LAMA4: variants seen among roughly 807,000 people sequenced by gnomAD.
LAMA4 encodes laminin subunit alpha 4.
A neutral mutation model predicts 207.1 loss-of-function variants in LAMA4; 127 were observed. The ratio of observed to expected loss-of-function variants is 0.61; its 90% confidence interval spans 0.53 to 0.71. The LOEUF (loss-of-function observed/expected upper bound fraction) is 0.71. LAMA4 is among the 30% of genes least tolerant of loss of function. The pLI is 0.00. For synonymous variants in LAMA4, 761 were observed against 816.0 expected, an observed-to-expected ratio of 0.93 and a Z score of 1.15; for missense variants, 2,093 against 2,246.5, an observed-to-expected ratio of 0.93 and a Z score of 1.38.
chr6:112,168,019 AAACCCC>A, intron 12 of LAMA4, among the ~76,000 whole-genome samples: 1 of 152,036 alleles, frequency 6.6e-6, no homozygotes, highest in Non-Finnish European at 1.5e-5. Context: ...CATCCTGGTG[AAACCCC>A]ATCTCTACTA....
At chr6:112,184,707 G>A (rs890759750) in intron 9 of LAMA4, among the ~76,000 whole-genome samples, 3 of 152,034 alleles carry the variant, frequency 2.0e-5, no homozygotes, top group African/African-American at 2.4e-5. Flanking sequence ...TTGTGGATTT[G>A]AGATTTATAC....
chr6:112,130,829 G>A (rs1778992657), intron 29 of LAMA4, 139 bp downstream of exon 29: 2 of 811,696 alleles, frequency 2.5e-6, no homozygotes, highest in East Asian at 5.1e-5. Flanking sequence ...TTTTTTTGAG[G>A]AAGATAAGTT....
intron 2 of LAMA4, 83 bp from the exon 3 acceptor site, chr6:112,216,552 G>A (rs1554358805): frequency 1.1e-6 from 1 of 887,776 alleles, no homozygotes; most frequent in Non-Finnish European, 1.9e-6. Flanking sequence ...CAGAGAAAGT[G>A]ATTATTAAAC....
intron 9 of LAMA4, chr6:112,179,914 C>G (rs1554344894): frequency 1.9e-6 from 1 of 533,048 alleles, no homozygotes; most frequent in African/African-American, 1.9e-5. Context: ...ATACTCCTTC[C>G]TGCAATTCCA....
At chr6:112,194,275 G>C (rs1783285445) in intron 5 of LAMA4, among the ~76,000 whole-genome samples, 1 of 152,326 alleles carries the variant, frequency 6.6e-6, no homozygotes. Context: ...CTTAAGGTCT[G>C]GGAGTGAAGG....
At chr6:112,170,773 T>G (rs1412471623) in intron 12 of LAMA4, among the ~76,000 whole-genome samples, 2 of 152,202 alleles carry the variant, frequency 1.3e-5, no homozygotes, top group African/African-American at 2.4e-5. Flanking sequence ...TAGCAGATGA[T>G]CACAATTCAG....
chr6:112,202,799 A>G (rs1442000789), intron 4 of LAMA4, among the ~76,000 whole-genome samples: 4 of 152,196 alleles, frequency 2.6e-5, no homozygotes, highest in African/African-American at 9.6e-5. Flanking sequence ...CTGTCAGTTA[A>G]GAGTCCAGAA....
intron 7 of LAMA4, chr6:112,188,823 C>T (rs1266296823): frequency 1.6e-5 from 6 of 368,974 alleles, no homozygotes; most frequent in Non-Finnish European, 2.5e-5. Context: ...AGCTCTGTCA[C>T]TGGGAGTTGT....
In LAMA4 at chr6:112,189,216, C is replaced by T; in HGVS notation, c.719-11G>A. The T allele has an allele frequency of 1.2e-6, 2 of 1,601,996 alleles. No individual in the cohort carries two copies. The highest frequency in any genetic ancestry group is 1.7e-6 in the Non-Finnish European group (2 of 1,169,020). On this transcript the variant is annotated splice_polypyrimidine_tract_variant and intron_variant, in intron 6 of 38. Transcript: ENST00000230538. ...CCCCGCAGTTGCACACTGTGGGAAA[C>T]AAAAACAAGAGACGAGAAATGCACT... is the stretch of plus-strand genomic sequence containing the variant.
chr6:112,226,786 A>C (rs1165487456), intron 2 of LAMA4, among the ~76,000 whole-genome samples: 1 of 152,228 alleles, frequency 6.6e-6, no homozygotes, highest in African/African-American at 2.4e-5. Flanking sequence ...AAATTTCACA[A>C]GTGAAGATAT....
At chr6:112,185,758 AT>A (rs1782648166) in intron 8 of LAMA4, among the ~76,000 whole-genome samples, 1 of 152,216 alleles carries the variant, frequency 6.6e-6, no homozygotes, top group African/African-American at 2.4e-5. Context: ...AACTTTCCTC[AT>A]TTTAATGCAA....
chr6:112,159,806 A>AGAGGG (rs1429373499), intron 13 of LAMA4, among the ~76,000 whole-genome samples: 1 of 152,140 alleles, frequency 6.6e-6, no homozygotes, highest in Admixed American at 6.5e-5. Flanking sequence ...TACTCCTGTG[A>AGAGGG]GAGGGGAGTG....
chr6:112,117,921 A>G lies in LAMA4; in HGVS notation c.4822-23T>C. 1 of 1,610,286 alleles carries G rather than the reference A, an allele frequency of 6.2e-7. No homozygotes were observed. Among genetic ancestry groups the G allele is most frequent in the African/African-American group, 1.3e-5 (1 of 74,932 alleles). On this transcript the variant is annotated intron_variant, in intron 34 of 38. Transcript: ENST00000230538. This position sits in a 1 kb window ranked among gnomAD's most constrained non-coding sequence, Gnocchi z 4.5. ...AATCTGAGGGAAGAAGATATTTCTT[A>G]AAATCAATTTTCTCAACACAAATGC...
chr6:112,221,614 A>G (rs1185303315), intron 2 of LAMA4, among the ~76,000 whole-genome samples: 3 of 152,270 alleles, frequency 2.0e-5, no homozygotes, highest in African/African-American at 7.2e-5. Flanking sequence ...GACAACAATG[A>G]TTTTTAGTTC....
At chr6:112,130,117 G>T in intron 29 of LAMA4, 77 bp from the exon 30 acceptor site, 1 of 1,237,500 alleles carries the variant, frequency 8.1e-7, no homozygotes, top group Non-Finnish European at 1.2e-6. Flanking sequence ...GGATAAGCAG[G>T]TTTTCTCATG....
intron 8 of LAMA4, 144 bp downstream of exon 8, chr6:112,187,306 T>C (rs116042905): frequency 1.2e-5 from 11 of 921,306 alleles, no homozygotes; most frequent in Non-Finnish European, 1.7e-5. Flanking sequence ...AAATTACTTA[T>C]GTTTTCTATG....
intron 20 of LAMA4, among the ~76,000 whole-genome samples, chr6:112,141,871 G>A (rs1779719156): frequency 6.6e-6 from 1 of 152,192 alleles, no homozygotes; most frequent in Non-Finnish European, 1.5e-5. Flanking sequence ...TCTTTGAGGT[G>A]TTTCATTCAG....
In LAMA4 at chr6:112,153,412, A is replaced by C. The variant is rs1441316135; in HGVS notation, c.2056+1439T>G. Among the ~76,000 whole-genome samples the C allele has an allele frequency of 2.6e-5, 4 of 152,116 alleles. No individual in the cohort carries two copies. In the East Asian group the frequency reaches 7.7e-4, roughly 29 times the overall value. ...ACAGAAAGGGATTTGGCCAAATGAGATCATGAAATAGGTGAACAGGTCTGC... is the reference window on the plus strand; with the variant it reads ...ACAGAAAGGGATTTGGCCAAATGAGCTCATGAAATAGGTGAACAGGTCTGC... On this transcript the variant is annotated intron_variant, in intron 16 of 38. Transcript: ENST00000230538.
At chr6:112,112,246 T>C (rs1418063411) in intron 38 of LAMA4, among the ~76,000 whole-genome samples, 1 of 152,174 alleles carries the variant, frequency 6.6e-6, no homozygotes, top group East Asian at 1.9e-4. Flanking sequence ...TAGGAGAAGT[T>C]GTTTCTTAAC....
Sources: gnomAD v4.1 joint callset for allele counts (sites outside exome capture counted in the v4.1 genomes callset) on GRCh38, gnomAD v4.1.1 for gene constraint, Gnocchi (gnomAD v3.1) non-coding constraint, MANE v1.5 for transcripts, NCBI Gene and HGNC (gene_info 2026-07-23, HGNC 2026-07-21) for gene names.